PUS10: variants seen among roughly 807,000 people sequenced by gnomAD.
The protein encoded by PUS10 is pseudouridine synthase 10.
Under a neutral mutation model 75.0 loss-of-function variants are expected in PUS10, and 59 were observed. The ratio of observed to expected loss-of-function variants is 0.79; its 90% confidence interval spans 0.64 to 0.98. The LOEUF is 0.98. Among genes scored for constraint, PUS10 ranks in the 50% least tolerant of loss-of-function variants. The pLI is 0.00. For synonymous variants in PUS10, 219 were observed against 211.6 expected (o/e 1.03, Z -0.30); for missense variants, 650 against 614.4 (o/e 1.06, Z -0.61).
intron 4 of PUS10, among the ~76,000 whole-genome samples, chr2:60,976,616 T>C (rs1677047351): frequency 6.6e-6 from 1 of 152,234 alleles, no homozygotes; most frequent in Admixed American, 6.5e-5. Flanking sequence ...TATCTGAGAC[T>C]TGTTAAATGG....
chr2:60,988,821 T>TA (rs1677890033), intron 4 of PUS10, among the ~76,000 whole-genome samples: 1 of 150,960 alleles, frequency 6.6e-6, no homozygotes, highest in Non-Finnish European at 1.5e-5. Context: ...TTTTTTTTTT[T>TA]AGTAGAGACG....
chr2:61,018,197 C>T lies in PUS10; in HGVS notation c.-205G>A, dbSNP rs1308872990. On this transcript the variant is annotated 5_prime_UTR_variant, in exon 1 of 18. Coordinates refer to ENST00000316752, the MANE Select transcript of PUS10 (RefSeq NM_144709.4). ...CTATCTTTAAAGCGTAGACTTTGGTCTGTAGCAGTTGAGAGCGGCATTTGT... is the reference window on the plus strand; with the variant it reads ...CTATCTTTAAAGCGTAGACTTTGGTTTGTAGCAGTTGAGAGCGGCATTTGT... 3 of 1,550,962 alleles carry T rather than the reference C, an allele frequency of 1.9e-6. No individual in the cohort carries two copies. The highest frequency in any genetic ancestry group is 2.0e-5 in the Admixed American group (1 of 51,002).
At chr2:61,008,432 G>A (rs138075494) in intron 3 of PUS10, among the ~76,000 whole-genome samples, 312 of 152,046 alleles carry the variant, frequency 2.1e-3, no homozygotes, top group African/African-American at 7.3e-3. Context: ...CGGAGGCTGC[G>A]ATGAGCCAAG....
chr2:60,968,614 G>T (rs1255386634), intron 5 of PUS10, among the ~76,000 whole-genome samples: 1 of 141,292 alleles, frequency 7.1e-6, no homozygotes, highest in Non-Finnish European at 1.6e-5. Context: ...TAGTTGATCA[G>T]AAAAAAAAAA....
intron 4 of PUS10, among the ~76,000 whole-genome samples, chr2:61,005,465 A>T (rs1679149813): frequency 6.6e-6 from 1 of 152,060 alleles, no homozygotes; most frequent in South Asian, 2.1e-4. Flanking sequence ...CTTTGAGAGG[A>T]AGGGTTTGGT....
intron 4 of PUS10, among the ~76,000 whole-genome samples, chr2:60,980,402 T>C (rs1677308520): frequency 6.6e-6 from 1 of 152,192 alleles, no homozygotes; most frequent in African/African-American, 2.4e-5. Context: ...AGTTCCTGCC[T>C]TGAGCACAAT....
chr2:60,971,797 CCCT>C (rs1676680166), intron 4 of PUS10, among the ~76,000 whole-genome samples: 1 of 151,938 alleles, frequency 6.6e-6, no homozygotes, highest in Non-Finnish European at 1.5e-5. Context: ...CGGGGTATCC[CCCT>C]CCTCCTTACA....
intron 4 of PUS10, among the ~76,000 whole-genome samples, chr2:60,972,091 A>G (rs1446526288): frequency 3.5e-5 from 5 of 144,684 alleles, no homozygotes; most frequent in Non-Finnish European, 6.1e-5. Flanking sequence ...CTGGTCTCGA[A>G]CTCCTGACAT....
At position 60,965,477 on chromosome 2, in the gene PUS10, A is replaced by C. The variant is rs762901906; in HGVS notation, c.623T>G (p.Phe208Cys). Residue 208 changes from phenylalanine to cysteine, a missense_variant, in exon 7 of 18, where the codon TTT becomes TGT. Coordinates refer to ENST00000316752, the MANE Select transcript of PUS10 (RefSeq NM_144709.4). ...GTGAGCAAAGACCACACTCACTTCA[A>C]ACAAGCTCTAAAAATTATAAAGACA... ...LGVPIDGKSLFEVSVVFAHPE... is the reference protein window; with the variant it reads ...LGVPIDGKSLCEVSVVFAHPE... 7 of 1,604,028 alleles carry C rather than the reference A, an allele frequency of 4.4e-6. No homozygotes were observed. Among genetic ancestry groups the C allele is most frequent in the Non-Finnish European group, 5.9e-6 (7 of 1,176,978 alleles).
chr2:61,013,641 C>T (rs917961643), intron 1 of PUS10, among the ~76,000 whole-genome samples: 2 of 152,172 alleles, frequency 1.3e-5, no homozygotes, highest in Non-Finnish European at 2.9e-5. Flanking sequence ...GGCTAAGGGC[C>T]TTGGCATTCA....
chr2:61,018,134 C>A lies in PUS10; in HGVS notation c.-142G>T. On this transcript the variant is annotated 5_prime_UTR_variant, in exon 1 of 18. Transcript: ENST00000316752. ...TGAAAGAAAGGGGGGCGGCTTCCTACCTACCGCTTCTGTTTTCACTTTGAC... is the reference window on the plus strand; with the variant it reads ...TGAAAGAAAGGGGGGCGGCTTCCTAACTACCGCTTCTGTTTTCACTTTGAC... The A allele has an allele frequency of 1.3e-6, 2 of 1,549,666 alleles. No homozygotes were observed. The highest frequency in any genetic ancestry group is 1.2e-5 in the South Asian group (1 of 84,004).
intron 4 of PUS10, among the ~76,000 whole-genome samples, chr2:60,990,065 C>A (rs909495091): frequency 1.1e-4 from 17 of 152,046 alleles, no homozygotes; most frequent in African/African-American, 4.1e-4. Flanking sequence ...AATAGCAACA[C>A]ATATTGATAT....
rs751833050 is a variant in PUS10 at position 60,953,884 on chromosome 2, G to T, written c.1190+49C>A. On this transcript the variant is annotated intron_variant, in intron 14 of 17. Transcript: ENST00000316752. ...ATTCCCTTATCAAGATATGTGACCT[G>T]CAACTAAAACGTCCCTTTTGAAATC... 6 of 1,436,194 alleles carry T rather than the reference G, an allele frequency of 4.2e-6. No homozygotes were observed. The East Asian group carries it at 1.1e-4, about 27-fold the overall frequency. The allele number at this position is 1,436,194 out of a possible 1,614,324, so 89.0% of individuals were successfully genotyped here.
At chr2:60,974,316 AG>A (rs1471995753) in intron 4 of PUS10, among the ~76,000 whole-genome samples, 1 of 149,042 alleles carries the variant, frequency 6.7e-6, no homozygotes, top group Non-Finnish European at 1.5e-5. Context: ...CCCGAGTTCA[AG>A]TGTTTCTCCT....
chr2:60,980,521 C>T (rs754813439), intron 4 of PUS10, among the ~76,000 whole-genome samples: 14 of 152,198 alleles, frequency 9.2e-5, no homozygotes, highest in African/African-American at 3.1e-4. Context: ...CCTGTGGCTA[C>T]GGAACTCTGT....
chr2:60,960,843 T>TAAAAAAAA (rs34578958), intron 10 of PUS10, among the ~76,000 whole-genome samples: 1 of 120,664 alleles, frequency 8.3e-6, no homozygotes, highest in Non-Finnish European at 1.7e-5. Flanking sequence ...ATACCAAGGA[T>TAAAAAAAA]AAAAAAAAAA....
intron 17 of PUS10, among the ~76,000 whole-genome samples, chr2:60,942,913 C>T (rs1674703075): frequency 6.6e-6 from 1 of 151,884 alleles, no homozygotes; most frequent in Admixed American, 6.6e-5. Context: ...CGCCTGTAGT[C>T]CTAGCTACTC....
At chr2:61,013,663 A>C (rs1679779500) in intron 1 of PUS10, among the ~76,000 whole-genome samples, 1 of 152,214 alleles carries the variant, frequency 6.6e-6, no homozygotes, top group Non-Finnish European at 1.5e-5. Flanking sequence ...ACTAGACAAA[A>C]AAATCTGATC....
At position 60,940,668 on chromosome 2, in the gene PUS10, A is replaced by C. The variant is rs1043180936; in HGVS notation, c.*1727T>G. 1.3e-5 allele frequency: 2 copies of C among 152,350 alleles called. No homozygotes were observed. The highest frequency in any genetic ancestry group is 4.8e-5 in the African/African-American group (2 of 41,468). The allele number at this position is 152,350 out of a possible 1,614,324, so 9.4% of individuals were successfully genotyped here. On this transcript the variant is annotated 3_prime_UTR_variant, in exon 18 of 18. Transcript: ENST00000316752. ...TGCTAAGCACATTCTTCATTCTTACATATTACAGGTCCACTAGATTCAAAG... is the reference window on the plus strand; with the variant it reads ...TGCTAAGCACATTCTTCATTCTTACCTATTACAGGTCCACTAGATTCAAAG...
Sources: gnomAD v4.1 joint callset for allele counts (sites outside exome capture counted in the v4.1 genomes callset) on GRCh38, gnomAD v4.1.1 for gene constraint, MANE v1.5 for transcripts, NCBI Gene and HGNC (gene_info 2026-07-23, HGNC 2026-07-21) for gene names.